ZMAT4: variants seen among roughly 807,000 people sequenced by gnomAD.
ZMAT4 encodes zinc finger matrin-type 4.
In ZMAT4, 17 loss-of-function variants were observed where a neutral mutation model predicts 28.7. The ratio of observed to expected loss-of-function variants is 0.59; its 90% CI spans 0.41 to 0.89. The LOEUF (loss-of-function observed/expected upper bound fraction) is 0.89. Ranked by LOEUF, ZMAT4 falls within the 40% of genes least tolerant of loss-of-function variation. The pLI is 0.00. For missense variants in ZMAT4, 240 were observed against 283.8 expected, an observed-to-expected ratio of 0.85 and a Z score of 1.11; for synonymous variants, 117 against 109.2, an observed-to-expected ratio of 1.07 and a Z score of -0.44.
At chr8:40,601,659 AG>A (rs1426201338) in intron 5 of ZMAT4, among the ~76,000 whole-genome samples, 1 of 29,636 alleles carries the variant, frequency 3.4e-5, no homozygotes. Context: ...AAAGAAAGAA[AG>A]AAAGAAAGAA....
intron 6 of ZMAT4, among the ~76,000 whole-genome samples, chr8:40,568,919 T>C (rs1023443318): frequency 3.9e-5 from 6 of 152,186 alleles, no homozygotes; most frequent in Non-Finnish European, 8.8e-5. Flanking sequence ...ATATCATATG[T>C]TGACGTTAAC....
chr8:40,886,966 T>C (rs13274096), intron 1 of ZMAT4, among the ~76,000 whole-genome samples: 4,210 of 151,820 alleles, frequency 0.028, 98 homozygotes, highest in South Asian at 0.086. Context: ...GGTCAGGAGA[T>C]CGAGACCAAC....
intron 6 of ZMAT4, among the ~76,000 whole-genome samples, chr8:40,541,707 A>G (rs185521024): frequency 2.7e-4 from 41 of 152,308 alleles, no homozygotes; most frequent in Middle Eastern, 3.4e-3. Context: ...GATTTTTCCC[A>G]AATAGAAAAT....
At chr8:40,685,931 G>C (rs980992499) in intron 4 of ZMAT4, among the ~76,000 whole-genome samples, 1 of 152,138 alleles carries the variant, frequency 6.6e-6, no homozygotes, top group East Asian at 1.9e-4. Flanking sequence ...GCCCAGCCAC[G>C]ATAGATGTTA....
chr8:40,781,447 G>C (rs555603264), intron 2 of ZMAT4, among the ~76,000 whole-genome samples: 20 of 152,216 alleles, frequency 1.3e-4, no homozygotes, highest in African/African-American at 3.6e-4. Context: ...TGGATATATA[G>C]ATCAATGGAA....
chr8:40,595,686 C>T (rs761259007), intron 5 of ZMAT4, among the ~76,000 whole-genome samples: 10 of 152,148 alleles, frequency 6.6e-5, no homozygotes, highest in Non-Finnish European at 1.5e-4. Context: ...AAGAATGGTA[C>T]ACTTGTATAG....
intron 5 of ZMAT4, among the ~76,000 whole-genome samples, chr8:40,610,193 G>C (rs934484450): frequency 6.6e-6 from 1 of 152,142 alleles, no homozygotes; most frequent in African/African-American, 2.4e-5. Context: ...AATGTGAAAA[G>C]CTTTCGTTTA....
chr8:40,817,252 G>A (rs1815579980), intron 2 of ZMAT4, among the ~76,000 whole-genome samples: 1 of 152,114 alleles, frequency 6.6e-6, no homozygotes, highest in African/African-American at 2.4e-5. Flanking sequence ...AAGACATTAT[G>A]ACACTAAATT....
chr8:40,554,424 G>C (rs1043818974), intron 6 of ZMAT4, among the ~76,000 whole-genome samples: 2 of 151,828 alleles, frequency 1.3e-5, no homozygotes, highest in African/African-American at 4.8e-5. Flanking sequence ...CTAAGTACTG[G>C]GAATACACTG....
chr8:40,669,047 G>T (rs1563400117), intron 5 of ZMAT4, among the ~76,000 whole-genome samples: 1 of 152,082 alleles, frequency 6.6e-6, no homozygotes, highest in Non-Finnish European at 1.5e-5. Context: ...GTACTCTATG[G>T]ACAGGACTGT....
At chr8:40,745,523 A>G (rs1812180410) in intron 3 of ZMAT4, among the ~76,000 whole-genome samples, 1 of 152,204 alleles carries the variant, frequency 6.6e-6, no homozygotes, top group Non-Finnish European at 1.5e-5. Context: ...TCAATCCTTT[A>G]CACCTTAGTA....
intron 1 of ZMAT4, among the ~76,000 whole-genome samples, chr8:40,896,252 C>A (rs1459596568): frequency 6.6e-6 from 1 of 152,188 alleles, no homozygotes; most frequent in Non-Finnish European, 1.5e-5. Context: ...TCATCTGCAT[C>A]TCCGTGGAAG....
chr8:40,691,117 G>A (rs1481892192), intron 4 of ZMAT4, among the ~76,000 whole-genome samples: 2 of 152,134 alleles, frequency 1.3e-5, no homozygotes, highest in African/African-American at 4.8e-5. Flanking sequence ...GGAACTTGTG[G>A]TTACAAGGTT....
chr8:40,599,904 C>T (rs1272338368), intron 5 of ZMAT4, among the ~76,000 whole-genome samples: 1 of 152,216 alleles, frequency 6.6e-6, no homozygotes, highest in Non-Finnish European at 1.5e-5. Context: ...GCCTGAGTCA[C>T]CCTTTGGGTT....
chr8:40,630,379 CAT>C (rs961152498), intron 5 of ZMAT4, among the ~76,000 whole-genome samples: 1 of 152,168 alleles, frequency 6.6e-6, no homozygotes, highest in African/African-American at 2.4e-5. Flanking sequence ...CTCTAGACCT[CAT>C]ATATATCCTA....
At chr8:40,805,515 A>G (rs1393375495) in intron 2 of ZMAT4, among the ~76,000 whole-genome samples, 1 of 139,596 alleles carries the variant, frequency 7.2e-6, no homozygotes, top group Non-Finnish European at 1.5e-5. Context: ...CATTATTCAC[A>G]ATAGCAAAGA....
At chr8:40,576,146 G>C (rs1401795775) in intron 6 of ZMAT4, among the ~76,000 whole-genome samples, 2 of 151,880 alleles carry the variant, frequency 1.3e-5, no homozygotes, top group Admixed American at 1.3e-4. Flanking sequence ...GAATAAAAAA[G>C]ATGAAGAAAG....
rs1802693970 is a variant in ZMAT4, at chr8:40,531,532, A to G, written c.*691T>C. On this transcript the variant is annotated 3_prime_UTR_variant, in exon 7 of 7. Transcript: ENST00000297737. ...AAGAAGATCATCATGCAGGCAGACT[A>G]ATTCTTTTCCTAAGCTATTATTTGG... 6.6e-6 allele frequency: 1 copy of G among 152,656 alleles called. No individual in the cohort carries two copies. The highest frequency in any genetic ancestry group is 1.5e-5 in the Non-Finnish European group (1 of 68,052). The allele number at this position is 152,656 out of a possible 1,614,324, so 9.5% of individuals were successfully genotyped here.
intron 5 of ZMAT4, among the ~76,000 whole-genome samples, chr8:40,646,601 A>AATTTG (rs1480973535): frequency 2.6e-5 from 4 of 152,178 alleles, no homozygotes; most frequent in Non-Finnish European, 5.9e-5. Flanking sequence ...AATTTAATTT[A>AATTTG]ATTTGTCTAG....
Sources: allele counts gnomAD v4.1 joint callset (sites outside exome capture counted in the v4.1 genomes callset), GRCh38; gene constraint gnomAD v4.1.1; transcripts MANE v1.5; gene names NCBI Gene and HGNC (gene_info 2026-07-23, HGNC 2026-07-21).